Variants in RAB3IP observed in about 807,000 individuals in gnomAD.
RAB3IP encodes RAB3A interacting protein, also known as rab-3A-interacting protein.
In RAB3IP, 36 loss-of-function variants were observed where a neutral mutation model predicts 59.1. The ratio of observed to expected loss-of-function variants is 0.61; its 90% confidence interval spans 0.47 to 0.80. The LOEUF is 0.80. RAB3IP is among the 30% of genes least tolerant of loss of function. The probability of loss-of-function intolerance (pLI) is 0.00; values close to 1 mark genes in which losing one functional copy is unlikely to be tolerated. For synonymous variants in RAB3IP, 207 were observed against 191.2 expected (o/e 1.08, Z -0.68); for missense variants, 511 against 536.0 (o/e 0.95, Z 0.46).
At chr12:69,741,346 T>C (rs1887320535) in intron 1 of RAB3IP, among the ~76,000 whole-genome samples, 1 of 152,196 alleles carries the variant, frequency 6.6e-6, no homozygotes, top group Non-Finnish European at 1.5e-5. Flanking sequence ...AGCTGGCCAG[T>C]GACAGAGCCG....
At chr12:69,754,094 G>A (rs11177828) in intron 1 of RAB3IP, among the ~76,000 whole-genome samples, 6,086 of 152,120 alleles carry the variant, frequency 0.04, 409 homozygotes, top group African/African-American at 0.14. Flanking sequence ...CAAGGGAGGG[G>A]CTAGTGTTAT....
At chr12:69,771,705 G>A (rs1251108161) in intron 3 of RAB3IP, among the ~76,000 whole-genome samples, 1 of 151,928 alleles carries the variant, frequency 6.6e-6, no homozygotes, top group African/African-American at 2.4e-5. Context: ...TTTAATTTTT[G>A]GGAGAACCTC....
At position 69,816,643 on chromosome 12, in the gene RAB3IP, A is replaced by G. The variant is rs956001077; in HGVS notation, c.*1197A>G. ...TATCCTTATCTGTACACTTCTGAAC[A>G]TTGTGGAGTTCTTTCATGTGGATGC... On this transcript the variant is annotated 3_prime_UTR_variant, in exon 11 of 11. Coordinates refer to ENST00000247833, the MANE Select transcript of RAB3IP (RefSeq NM_022456.5). 1.3e-5 allele frequency: 2 copies of G among 152,142 alleles called. No individual in the cohort carries two copies. The highest frequency in any genetic ancestry group is 4.8e-5 in the African/African-American group (2 of 41,446). 9.4% of individuals were successfully genotyped at this position (152,142 alleles called of 1,614,324 possible).
intron 8 of RAB3IP, among the ~76,000 whole-genome samples, chr12:69,807,871 C>A (rs1178149174): frequency 7.1e-6 from 1 of 141,270 alleles, no homozygotes; most frequent in Non-Finnish European, 1.5e-5. Context: ...CCAGACGGGG[C>A]GGCCGGGCGG....
intron 3 of RAB3IP, among the ~76,000 whole-genome samples, chr12:69,780,619 G>A (rs1874531112): frequency 6.6e-6 from 1 of 152,174 alleles, no homozygotes; most frequent in South Asian, 2.1e-4. Context: ...AATCATTCCT[G>A]GGTTGTGGGA....
At chr12:69,748,407 T>A (rs1315711534) in intron 1 of RAB3IP, among the ~76,000 whole-genome samples, 4 of 152,224 alleles carry the variant, frequency 2.6e-5, no homozygotes, top group Admixed American at 6.5e-5. Flanking sequence ...ATTAAATGAG[T>A]TAATATGTAT....
At chr12:69,762,782 A>G (rs1185924975) in intron 3 of RAB3IP, among the ~76,000 whole-genome samples, 1 of 146,866 alleles carries the variant, frequency 6.8e-6, no homozygotes, top group Admixed American at 6.7e-5. Flanking sequence ...AAAAAAAAGA[A>G]AAAAGAGAAA....
intron 4 of RAB3IP, among the ~76,000 whole-genome samples, chr12:69,785,749 C>G (rs901163423): frequency 3.3e-5 from 5 of 152,206 alleles, no homozygotes; most frequent in Non-Finnish European, 7.3e-5. Flanking sequence ...TAATGTTTGA[C>G]TACATATTCG....
Position 69,755,511 on chromosome 12 carries a change from A to G in RAB3IP, c.103A>G (p.Thr35Ala), listed in dbSNP as rs770174173. ...TGAATCAGGAACTCAAGAGCAGACT[A>G]CCTCACCAAGTGTCATCTACCGGCC... ...VYESGTQEQT[T>A]SPSVIYRPHP... The change falls in exon 2 of 11, where the codon ACC (threonine) becomes GCC (alanine). Residue 35 changes from threonine (T) to alanine (A), a missense_variant. By Grantham distance (58) the Thr-to-Ala change is moderately conservative (BLOSUM62 0). Coordinates refer to ENST00000247833, the MANE Select transcript of RAB3IP (RefSeq NM_022456.5). The G allele has an allele frequency of 4.3e-6, 7 of 1,614,014 alleles. No individual in the cohort carries two copies. The highest frequency in any genetic ancestry group is 5.9e-6 in the Non-Finnish European group (7 of 1,180,004).
rs1169866852 is a variant in RAB3IP, at chr12:69,822,632, G to A, written c.*7186G>A. 6.6e-6 allele frequency: 1 copy of A among 152,100 alleles called. No homozygotes were observed. The highest frequency in any genetic ancestry group is 1.5e-5 in the Non-Finnish European group (1 of 68,026). The allele number at this position is 152,100 out of a possible 1,614,324, so 9.4% of individuals were successfully genotyped here. A position where few individuals can be genotyped will look rare whatever the true frequency, so the allele number is the denominator to read the frequency against. ...TTGGTAGCACAATAGGGTAAATACA[G>A]TTAATAATTTATTGTATATTTCACA... On this transcript the variant is annotated 3_prime_UTR_variant, in exon 11 of 11. Coordinates refer to ENST00000247833, the MANE Select transcript of RAB3IP (RefSeq NM_022456.5).
intron 4 of RAB3IP, 90 bp downstream of exon 4, chr12:69,784,905 G>A: frequency 1.4e-6 from 1 of 720,034 alleles, no homozygotes; most frequent in Non-Finnish European, 2.4e-6. Context: ...AAAAATATTT[G>A]CTTAGCTTCA....
At chr12:69,780,122 T>A (rs1408463533) in intron 3 of RAB3IP, among the ~76,000 whole-genome samples, 1 of 152,164 alleles carries the variant, frequency 6.6e-6, no homozygotes, top group East Asian at 1.9e-4. Context: ...TAATGATGAC[T>A]CAAGGTAGGG....
Position 69,817,960 on chromosome 12 carries a change from G to A in RAB3IP, c.*2514G>A, listed in dbSNP as rs1240796584. The A allele has an allele frequency of 1.3e-5, 2 of 152,100 alleles. No individual in the cohort carries two copies. Among genetic ancestry groups the A allele is most frequent in the Non-Finnish European group, 2.9e-5 (2 of 68,018 alleles). The allele number at this position is 152,100 out of a possible 1,614,324, so 9.4% of individuals were successfully genotyped here. On this transcript the variant is annotated 3_prime_UTR_variant, in exon 11 of 11. Coordinates refer to ENST00000247833, the MANE Select transcript of RAB3IP (RefSeq NM_022456.5). ...TTCCACACAATTAGAAGTGCATGTG[G>A]GCCAATAAACATTAAGAGGTTTTCA...
chr12:69,755,708 T>G, intron 2 of RAB3IP, 49 bp downstream of exon 2: 1 of 1,466,594 alleles, frequency 6.8e-7, no homozygotes. Context: ...AATGGACAGT[T>G]TGCTTAGTTA....
intron 3 of RAB3IP, among the ~76,000 whole-genome samples, chr12:69,773,314 C>G (rs548213650): frequency 2.0e-5 from 3 of 149,570 alleles, no homozygotes; most frequent in Non-Finnish European, 3.0e-5. Context: ...CTTTGACTTT[C>G]CTTTATCTGG....
intron 10 of RAB3IP, among the ~76,000 whole-genome samples, chr12:69,813,622 T>A (rs1416272814): frequency 2.0e-5 from 3 of 151,996 alleles, no homozygotes; most frequent in African/African-American, 7.2e-5. Context: ...TAGCTAAATA[T>A]CTTAAATATC....
intron 4 of RAB3IP, among the ~76,000 whole-genome samples, chr12:69,788,128 A>AT (rs1387823912): frequency 6.6e-6 from 1 of 152,082 alleles, no homozygotes; most frequent in African/African-American, 2.4e-5. Context: ...TCTAAGTTCC[A>AT]TTTTCAAAAA....
intron 6 of RAB3IP, chr12:69,796,385 T>C (rs1287186892): frequency 9.9e-6 from 3 of 301,522 alleles, no homozygotes; most frequent in Admixed American, 5.1e-5. Context: ...TTGAGCTGTT[T>C]AGAGTAAAAA....
intron 8 of RAB3IP, among the ~76,000 whole-genome samples, chr12:69,804,323 T>G (rs966747745): frequency 3.9e-5 from 6 of 152,270 alleles, no homozygotes; most frequent in African/African-American, 1.4e-4. Flanking sequence ...GTTCATATCC[T>G]TTGCCCACTT....
Sources: gnomAD v4.1 joint callset for allele counts (sites outside exome capture counted in the v4.1 genomes callset) on GRCh38, gnomAD v4.1.1 for gene constraint, MANE v1.5 for transcripts, NCBI Gene and HGNC (gene_info 2026-07-23, HGNC 2026-07-21) for gene names.